C6: variants seen among roughly 807,000 people sequenced by gnomAD.
C6 encodes the protein complement component C6.
A neutral mutation model predicts 112.9 loss-of-function variants in C6; 101 were observed. The ratio of observed to expected loss-of-function variants is 0.89; its 90% confidence interval spans 0.76 to 1.06. The LOEUF is 1.06. Ranked by LOEUF, C6 falls within the 50% of genes least tolerant of loss-of-function variation. C6 has a pLI of 0.00. For missense variants in C6, 1,202 were observed against 1,104.6 expected (o/e 1.09, Z -1.25); for synonymous variants, 431 against 384.1 (o/e 1.12, Z -1.43).
chr5:41,222,459 T>G lies in C6; in HGVS notation c.-20-19209A>C, dbSNP rs557353612. On this transcript the variant is annotated intron_variant, in intron 1 of 17. Transcript: ENST00000263413. ...TTTATTTTAATGTATAAAGCACAGA[T>G]GTATCTATAACATATAAACAAGAGC... is the stretch of plus-strand genomic sequence containing the variant. Among the ~76,000 whole-genome samples the G allele has an allele frequency of 2.6e-5, 4 of 152,174 alleles. No individual in the cohort carries two copies. In the South Asian group the frequency reaches 6.2e-4, roughly 24 times the overall value.
chr5:41,197,974 C>T (rs1056902269), intron 4 of C6, among the ~76,000 whole-genome samples: 18 of 152,230 alleles, frequency 1.2e-4, no homozygotes, highest in Non-Finnish European at 2.1e-4. Context: ...AGAAATTGCA[C>T]GTTTTTCCTA....
chr5:41,253,493 G>A (rs781498012), intron 1 of C6, among the ~76,000 whole-genome samples: 5 of 152,138 alleles, frequency 3.3e-5, no homozygotes, highest in Non-Finnish European at 7.4e-5. Flanking sequence ...AGACTCCCAG[G>A]CTCCACTTGG....
intron 17 of C6, among the ~76,000 whole-genome samples, chr5:41,147,257 G>A (rs946722227): frequency 1.7e-4 from 26 of 152,132 alleles, no homozygotes; most frequent in Non-Finnish European, 3.1e-4. Flanking sequence ...TCAAAAAAAT[G>A]AATAGTAGAG....
intron 5 of C6, among the ~76,000 whole-genome samples, chr5:41,194,493 G>A (rs967562213): frequency 3.9e-5 from 6 of 152,036 alleles, no homozygotes; most frequent in Non-Finnish European, 1.5e-5. Context: ...TATTTTCTGG[G>A]TTTTATTCTA....
intron 1 of C6, among the ~76,000 whole-genome samples, chr5:41,254,690 C>T (rs1303082680): frequency 6.6e-6 from 1 of 152,102 alleles, no homozygotes; most frequent in East Asian, 1.9e-4. Context: ...TAAGTGATCC[C>T]TATAGAAAGG....
chr5:41,219,518 G>A (rs1463824160), intron 1 of C6, among the ~76,000 whole-genome samples: 50 of 152,154 alleles, frequency 3.3e-4, no homozygotes, highest in Admixed American at 3.3e-3. Flanking sequence ...AGTGCTTTGA[G>A]GGAAAATTGT....
chr5:41,201,680 AG>A lies in C6; in HGVS notation c.177del (p.Cys61ValfsTer62). Reference sequence around the variant, plus strand: ...TGCTTGCTGCAAATCTGTTCACAAAAGTTTTCCTGGTAGTACTTATCTACTA... The same window carrying A: ...TGCTTGCTGCAAATCTGTTCACAAAATTTTCCTGGTAGTACTTATCTACTA... ...QIVVDKYYQE[N>X]FCEQICSKQE... On this transcript the variant is annotated frameshift_variant, in exon 3 of 18. Transcript: ENST00000337836. LOFTEE classifies it high-confidence loss of function. 1 of 1,613,716 alleles carries A rather than the reference AG, an allele frequency of 6.2e-7. No homozygotes were observed. Among genetic ancestry groups the A allele is most frequent in the South Asian group, 1.1e-5 (1 of 91,062 alleles).
chr5:41,206,472 C>T (rs1751444146), intron 1 of C6, among the ~76,000 whole-genome samples: 1 of 152,074 alleles, frequency 6.6e-6, no homozygotes, highest in South Asian at 2.1e-4. Flanking sequence ...AGGCTAAAAA[C>T]CTTGAAAAAA....
intron 1 of C6, among the ~76,000 whole-genome samples, chr5:41,226,016 T>C (rs13183743): frequency 0.7 from 106,742 of 152,036 alleles, 37,555 homozygotes; most frequent in African/African-American, 0.73. Context: ...AAAACCTAGG[T>C]GATACCATTC....
At chr5:41,213,587 A>C, upstream of C6, 1 of 983,672 alleles carries the variant, frequency 1.0e-6, no homozygotes, top group Non-Finnish European at 1.2e-6. Context: ...GAACTTTGCA[A>C]ATGATTACAC....
chr5:41,221,650 G>A lies in C6; in HGVS notation c.-20-18400C>T, dbSNP rs76093529. 1.6e-3 allele frequency among the ~76,000 whole-genome samples: 239 copies of A among 152,146 alleles called. 12 individuals carry two copies. In the East Asian group the frequency reaches 0.044, roughly 28 times the overall value. Reference sequence around the variant, plus strand: ...TTTATGTTTGATCCTCATTGTTTTGGTGTGTGACTAGGGCTTTGAGAATTA... The same window carrying A: ...TTTATGTTTGATCCTCATTGTTTTGATGTGTGACTAGGGCTTTGAGAATTA... On this transcript the variant is annotated intron_variant, in intron 1 of 17. Coordinates refer to the C6 transcript ENST00000263413.
chr5:41,177,115 C>T (rs558542192), intron 7 of C6, among the ~76,000 whole-genome samples: 2 of 152,156 alleles, frequency 1.3e-5, no homozygotes, highest in Admixed American at 6.5e-5. Context: ...AGTTATGCAA[C>T]TGAGATGGAG....
chr5:41,171,079 T>C (rs758927730), intron 9 of C6, among the ~76,000 whole-genome samples: 42 of 152,122 alleles, frequency 2.8e-4, no homozygotes, highest in Non-Finnish European at 5.0e-4. Flanking sequence ...GGAAGACCAC[T>C]TAGGGGGCTT....
chr5:41,253,060 A>C (rs1741463795), intron 1 of C6, among the ~76,000 whole-genome samples: 2 of 152,220 alleles, frequency 1.3e-5, no homozygotes, highest in South Asian at 2.1e-4. Context: ...AACTTCTTCA[A>C]ATATTTTTGA....
chr5:41,239,089 T>C (rs953032695), intron 1 of C6, among the ~76,000 whole-genome samples: 1 of 150,890 alleles, frequency 6.6e-6, no homozygotes, highest in Non-Finnish European at 1.5e-5. Context: ...CTGGCACATT[T>C]ATAATTTCTT....
intron 1 of C6, among the ~76,000 whole-genome samples, chr5:41,244,202 A>G (rs1740891788): frequency 6.6e-6 from 1 of 152,188 alleles, no homozygotes; most frequent in South Asian, 2.1e-4. Flanking sequence ...AACATTCTAA[A>G]CCAAATAACT....
At chr5:41,151,997 A>G (rs1018615895) in intron 15 of C6, among the ~76,000 whole-genome samples, 1 of 151,850 alleles carries the variant, frequency 6.6e-6, no homozygotes, top group Non-Finnish European at 1.5e-5. Flanking sequence ...AGGCACTAGG[A>G]CATTATGGTG....
chr5:41,230,667 T>TATG (rs999072265), intron 1 of C6, among the ~76,000 whole-genome samples: 2 of 152,164 alleles, frequency 1.3e-5, no homozygotes, highest in African/African-American at 2.4e-5. Flanking sequence ...CTTTGAAGCA[T>TATG]ATGATCCTTG....
rs1229878464 is a variant in C6 at position 41,142,815 on chromosome 5, A to T, written c.*10T>A. 2.5e-6 allele frequency: 4 copies of T among 1,605,626 alleles called. No homozygotes were observed. Among genetic ancestry groups the T allele is most frequent in the Non-Finnish European group, 3.4e-6 (4 of 1,172,468 alleles). ...ATCTGTTCATTGTGCTGGGCCTAGC[A>T]GTAATTGTGCTAGGCCAAACACTTT... On this transcript the variant is annotated 3_prime_UTR_variant, in exon 18 of 18. Coordinates refer to ENST00000337836, the MANE Select transcript of C6 (RefSeq NM_000065.5).
Sources: gnomAD v4.1 joint callset for allele counts (sites outside exome capture counted in the v4.1 genomes callset) on GRCh38, gnomAD v4.1.1 for gene constraint, MANE v1.5 for transcripts, NCBI Gene and HGNC (gene_info 2026-07-23, HGNC 2026-07-21) for gene names.